Variants in USP39 observed in about 807,000 individuals in gnomAD.
The protein encoded by USP39 is ubiquitin carboxyl-terminal hydrolase 39.
In USP39, 38 loss-of-function variants were observed where a neutral mutation model predicts 66.4. The observed-to-expected ratio is 0.57, with a 90% CI of 0.44 to 0.75. The LOEUF (loss-of-function observed/expected upper bound fraction) is 0.75. Among genes scored for constraint, USP39 ranks in the 30% least tolerant of loss-of-function variants. The pLI is 0.00. For synonymous variants in USP39, 303 were observed against 274.6 expected (o/e 1.10, Z -1.02); for missense variants, 608 against 714.4 (o/e 0.85, Z 1.70).
chr2:85,615,376 C>T (rs1673851246), upstream of USP39, among the ~76,000 whole-genome samples: 1 of 152,088 alleles, frequency 6.6e-6, no homozygotes, highest in African/African-American at 2.4e-5. Flanking sequence ...CTCAATGGAA[C>T]GGTTCAAACA....
At chr2:85,625,474 A>T in intron 4 of USP39, 65 bp from the exon 5 acceptor site, 1 of 1,592,262 alleles carries the variant, frequency 6.3e-7, no homozygotes. Context: ...TGTAGAAATT[A>T]CTGTTACAGA....
At chr2:85,625,462 T>G in intron 4 of USP39, 77 bp from the exon 5 acceptor site, 1 of 1,585,226 alleles carries the variant, frequency 6.3e-7, no homozygotes, top group Admixed American at 1.7e-5. Flanking sequence ...GTTTTTTGTT[T>G]TTGTAGAAAT....
At chr2:85,613,023 C>G (rs901192219), upstream of USP39, among the ~76,000 whole-genome samples, 3 of 150,454 alleles carry the variant, frequency 2.0e-5, no homozygotes, top group African/African-American at 7.4e-5. Flanking sequence ...GTAAAATTCT[C>G]AAGTCCTTTT....
chr2:85,637,341 A>AGG, intron 7 of USP39, 28 bp from the exon 8 acceptor site: 25 of 1,613,062 alleles, frequency 1.5e-5, no homozygotes, highest in Non-Finnish European at 2.0e-5. Context: ...TCCTCACGGA[A>AGG]TTTGTCTCTT....
chr2:85,622,860 T>C (rs970203110), intron 3 of USP39, among the ~76,000 whole-genome samples: 4 of 152,026 alleles, frequency 2.6e-5, no homozygotes, highest in Non-Finnish European at 4.4e-5. Context: ...CTGGCTAACA[T>C]AGCAAGACCC....
upstream of USP39, chr2:85,611,722 C>G (rs1267654885): frequency 6.2e-7 from 1 of 1,602,736 alleles, no homozygotes; most frequent in Admixed American, 1.7e-5. Flanking sequence ...CGCGTCGGCG[C>G]GGGCGTGTGC....
chr2:85,603,197 C>G (rs1177972041), intron 1 of USP39: 1 of 152,218 alleles, frequency 6.6e-6, no homozygotes, highest in East Asian at 1.9e-4. Context: ...GAAATCCAAG[C>G]GCCTGGGATT....
chr2:85,609,768 G>A (rs13418207), upstream of USP39, among the ~76,000 whole-genome samples: 11,994 of 151,934 alleles, frequency 0.079, 979 homozygotes, highest in East Asian at 0.31. Flanking sequence ...TGCAACTTCC[G>A]CTCCCAGGTT....
At chr2:85,609,370 G>A, upstream of USP39, 2 of 1,576,444 alleles carry the variant, frequency 1.3e-6, no homozygotes, top group South Asian at 2.3e-5. Context: ...CAGGGCTCAG[G>A]GTCTGACAAT....
At chr2:85,641,262 G>T in intron 10 of USP39, 144 bp downstream of exon 10, 1 of 954,546 alleles carries the variant, frequency 1.0e-6, no homozygotes, top group Non-Finnish European at 1.5e-6. Context: ...AGTTTTTATT[G>T]GAAGGATACA....
At position 85,639,316 on chromosome 2, in the gene USP39, C is replaced by T. The variant is rs200441975; in HGVS notation, c.1209C>T (p.Asp403=). 9.2e-5 allele frequency: 149 copies of T among 1,614,046 alleles called. 1 individual carries two copies. The East Asian group carries it at 2.9e-3, about 31-fold the overall frequency. Residue 403 remains aspartate, a synonymous_variant, in exon 9 of 13, where the codon GAC becomes GAT. Coordinates refer to ENST00000323701, the MANE Select transcript of USP39 (RefSeq NM_006590.4). ...LDLPTAPLYK[D]EKEQLIIPQV... is the part of the protein sequence containing the mutation. ...TTCCTACTGCCCCCCTCTACAAGGA[C>T]GAGAAGGAGCAGCTCATCATTCCCC...
chr2:85,612,172 G>A (rs1673600160), upstream of USP39: 7 of 918,516 alleles, frequency 7.6e-6, no homozygotes, highest in Non-Finnish European at 1.1e-5. Flanking sequence ...GGGTGGAGTA[G>A]GGTATGCTTG....
intron 3 of USP39, among the ~76,000 whole-genome samples, chr2:85,622,206 T>G (rs1361983735): frequency 5.3e-5 from 8 of 151,154 alleles, no homozygotes; most frequent in African/African-American, 1.9e-4. Context: ...CTGCAGCCTC[T>G]TGACTCCCAG....
rs143161002 is a variant in USP39 at position 85,619,715 on chromosome 2, G to A, written c.338+426G>A. On this transcript the variant is annotated intron_variant, in intron 2 of 12. Transcript: ENST00000323701. ...AATGTTTTTCAACCTATATTGTAGG[G>A]GAATGTTTTACAATAATATAATTAC... is the stretch of plus-strand genomic sequence containing the variant. Among the ~76,000 whole-genome samples the A allele has an allele frequency of 1.4e-3, 209 of 151,888 alleles. 2 individuals carry two copies. The Middle Eastern group carries it at 0.017, about 12-fold the overall frequency.
intron 11 of USP39, among the ~76,000 whole-genome samples, chr2:85,647,182 C>T (rs868537828): frequency 2.6e-5 from 4 of 152,064 alleles, no homozygotes; most frequent in Non-Finnish European, 2.9e-5. Context: ...AGCCCCTGTG[C>T]CCAGCCAGGA....
Position 85,625,708 on chromosome 2 carries a change from A to T in USP39, c.723+17A>T. On this transcript the variant is annotated intron_variant, in intron 5 of 12. Coordinates refer to ENST00000323701, the MANE Select transcript of USP39 (RefSeq NM_006590.4). ...GTCCTTCAGGTAAGATCAAGACGGG[A>T]ACATTGAGGAAGAGAAGGACACCCA... is the stretch of plus-strand genomic sequence containing the variant. The T allele has an allele frequency of 6.2e-7, 1 of 1,607,466 alleles. No individual in the cohort carries two copies.
rs1676775080 is a variant in USP39, at chr2:85,647,962, C to G, written c.1596C>G (p.Leu532=). ...GTGKWYELQD[L]QVTDILPQMI... ...GCAAATGGTATGAATTACAAGACCT[C>G]CAGGTGACTGACATCCTTCCCCAGA... The change falls in exon 12 of 13, where the codon CTC becomes CTG. Residue 532 remains leucine, a synonymous_variant. Transcript: ENST00000323701. 6.2e-7 allele frequency: 1 copy of G among 1,614,140 alleles called. No homozygotes were observed. The highest frequency in any genetic ancestry group is 1.3e-5 in the African/African-American group (1 of 75,018).
At chr2:85,629,253 G>T (rs895492955) in intron 5 of USP39, among the ~76,000 whole-genome samples, 2 of 151,756 alleles carry the variant, frequency 1.3e-5, no homozygotes, top group Non-Finnish European at 2.9e-5. Flanking sequence ...AGTAGAGACG[G>T]TTTCACCATG....
At position 85,636,072 on chromosome 2, in the gene USP39, G is replaced by A. The variant is rs777950973; in HGVS notation, c.969G>A (p.Leu323=). The change falls in exon 7 of 13, where the codon CTG becomes CTA. Residue 323 remains leucine, a synonymous_variant. Transcript: ENST00000323701. ...ITKQGDGVDF[L]SWFLNALHSA... is the part of the protein sequence containing the mutation. ...TTCCAGGAGATGGCGTTGACTTTCT[G>A]TCTTGGTTTCTGAATGCTCTGCACT... 4 of 1,614,090 alleles carry A rather than the reference G, an allele frequency of 2.5e-6. No individual in the cohort carries two copies. Among genetic ancestry groups the A allele is most frequent in the South Asian group, 1.1e-5 (1 of 91,080 alleles).
Sources: gnomAD v4.1 joint callset for allele counts (sites outside exome capture counted in the v4.1 genomes callset) on GRCh38, gnomAD v4.1.1 for gene constraint, MANE v1.5 for transcripts, NCBI Gene and HGNC (gene_info 2026-07-23, HGNC 2026-07-21) for gene names.